Variants in FREM2 observed in about 807,000 individuals in gnomAD.
The protein encoded by FREM2 is FRAS1-related extracellular matrix protein 2.
In FREM2, 119 loss-of-function variants were observed where a neutral mutation model predicts 219.9. The observed-to-expected ratio is 0.54, with a 90% CI of 0.47 to 0.63. The LOEUF is 0.63. Ranked by LOEUF, FREM2 falls within the 30% of genes least tolerant of loss-of-function variation. FREM2 has a pLI of 0.00. For missense variants in FREM2, 4,030 were observed against 3,993.6 expected (o/e 1.01, Z -0.25); for synonymous variants, 1,562 against 1,522.8 (o/e 1.03, Z -0.60).
intron 1 of FREM2, among the ~76,000 whole-genome samples, chr13:38,694,024 A>G (rs1295978742): frequency 6.6e-6 from 1 of 152,220 alleles, no homozygotes; most frequent in Non-Finnish European, 1.5e-5. Context: ...TGGTTCTTCA[A>G]ATTACTCCTC....
At chr13:38,789,531 A>G (rs1874473289) in intron 6 of FREM2, among the ~76,000 whole-genome samples, 1 of 150,592 alleles carries the variant, frequency 6.6e-6, no homozygotes, top group Admixed American at 6.6e-5. Context: ...TTTTTTTTAA[A>G]AAAAGCTATG....
intron 2 of FREM2, among the ~76,000 whole-genome samples, chr13:38,760,503 A>C (rs1389125411): frequency 2.6e-5 from 4 of 152,260 alleles, no homozygotes; most frequent in Non-Finnish European, 5.9e-5. Flanking sequence ...TTAGTCATCA[A>C]TAATCCCTGG....
Position 38,848,605 on chromosome 13 carries a change from C to T in FREM2, c.6314C>T (p.Pro2105Leu). ...AAATTTGAACTGGTGCTTCGCATGC[C>T]TATGAACGCAGCCCTTGGCGAGCCC... The part of the protein sequence containing the change: ...IEKFELVLRM[P>L]MNAALGEPSK... The change falls in exon 8 of 24, where the codon CCT (proline) becomes CTT (leucine). Residue 2105 changes from proline to leucine, a missense_variant. Coordinates refer to ENST00000280481, the MANE Select transcript of FREM2 (RefSeq NM_207361.6). 6.2e-7 allele frequency: 1 copy of T among 1,614,032 alleles called. No individual in the cohort carries two copies. Among genetic ancestry groups the T allele is most frequent in the Middle Eastern group, 1.7e-4 (1 of 6,058 alleles).
At chr13:38,699,514 T>C (rs1870256350) in intron 2 of FREM2, among the ~76,000 whole-genome samples, 1 of 152,136 alleles carries the variant, frequency 6.6e-6, no homozygotes, top group African/African-American at 2.4e-5. Context: ...TGGCAAGGCC[T>C]CCAAAGATTG....
At chr13:38,832,799 C>A (rs1213382218) in intron 6 of FREM2, among the ~76,000 whole-genome samples, 1 of 152,072 alleles carries the variant, frequency 6.6e-6, no homozygotes, top group Non-Finnish European at 1.5e-5. Context: ...CATCTAAGCA[C>A]TTTGGGAAGC....
At position 38,690,411 on chromosome 13, in the gene FREM2, A is replaced by G; in HGVS notation, c.3067A>G (p.Ile1023Val). 1.2e-6 allele frequency: 2 copies of G among 1,614,168 alleles called. No homozygotes were observed. Among genetic ancestry groups the G allele is most frequent in the Non-Finnish European group, 1.7e-6 (2 of 1,179,988 alleles). Reference sequence around the variant, plus strand: ...TGTATATACCCACACCAGTGGTGAGATAGGCCTATTGCCTAAAGCGGATTC... The same window carrying G: ...TGTATATACCCACACCAGTGGTGAGGTAGGCCTATTGCCTAAAGCGGATTC... ...SVVYTHTSGE[I>V]GLLPKADSFN... The change falls in exon 1 of 24, where the codon ATA becomes GTA. Residue 1023 changes from isoleucine (I) to valine (V), a missense_variant. Physicochemically the swap from Ile to Val is conservative, Grantham distance 29. Around this residue, in one of 2 missense-constraint regions of FREM2, gnomAD observed 3,102 missense variants for 2,950.7 expected, o/e 1.05. Transcript: ENST00000280481.
rs141478658 is a variant in FREM2, at chr13:38,691,759, C to T, written c.4415C>T (p.Thr1472Met). ...RAPMRGHLEC[T>M]DQPGVSITSF... is the part of the protein sequence containing the mutation. Reference sequence around the variant, plus strand: ...CCCATGCGAGGTCACCTGGAATGCACGGATCAGCCTGGTGTGTCCATCACG... The same window carrying T: ...CCCATGCGAGGTCACCTGGAATGCATGGATCAGCCTGGTGTGTCCATCACG... The change falls in exon 1 of 24, where the codon ACG becomes ATG. Residue 1472 changes from threonine (T) to methionine (M), a missense_variant. Around this residue, in one of 2 missense-constraint regions of FREM2, gnomAD observed 3,102 missense variants for 2,950.7 expected, o/e 1.05. Coordinates refer to ENST00000280481, the MANE Select transcript of FREM2 (RefSeq NM_207361.6). 18 of 1,613,966 alleles carry T rather than the reference C, an allele frequency of 1.1e-5. No homozygotes were observed. In the East Asian group the frequency reaches 1.6e-4, roughly 14 times the overall value.
intron 7 of FREM2, 53 bp from the exon 8 acceptor site, chr13:38,848,408 T>C (rs1877240537): frequency 7.3e-6 from 9 of 1,225,594 alleles, no homozygotes; most frequent in Non-Finnish European, 1.1e-5. Context: ...TGTCTTATAA[T>C]TTTTTGAAAT....
chr13:38,866,906 T>C (rs1177563741), intron 16 of FREM2, among the ~76,000 whole-genome samples: 1 of 152,246 alleles, frequency 6.6e-6, no homozygotes, highest in Non-Finnish European at 1.5e-5. Flanking sequence ...GCAAGGCTGT[T>C]TTATTTTGAA....
chr13:38,777,558 G>A (rs977428260), intron 4 of FREM2, among the ~76,000 whole-genome samples: 5 of 152,148 alleles, frequency 3.3e-5, no homozygotes, highest in African/African-American at 1.2e-4. Context: ...GTTGTTGCAA[G>A]GATAAAACTA....
chr13:38,693,279 A>G (rs952028575), intron 1 of FREM2, among the ~76,000 whole-genome samples: 2 of 152,258 alleles, frequency 1.3e-5, no homozygotes, highest in Admixed American at 1.3e-4. Context: ...GAGCATGAAG[A>G]TAAGTAGACA....
chr13:38,877,764 T>C (rs1566176167), intron 21 of FREM2, among the ~76,000 whole-genome samples: 1 of 152,268 alleles, frequency 6.6e-6, no homozygotes, highest in African/African-American at 2.4e-5. Flanking sequence ...ACTTTCTTTC[T>C]TAGTGTTATT....
intron 6 of FREM2, among the ~76,000 whole-genome samples, chr13:38,814,797 T>A (rs566837799): frequency 2.0e-5 from 3 of 152,198 alleles, no homozygotes; most frequent in Non-Finnish European, 4.4e-5. Context: ...TGCTTGCTGC[T>A]CTTCTCTCCC....
chr13:38,809,873 A>G (rs1875407787), intron 6 of FREM2, among the ~76,000 whole-genome samples: 1 of 152,022 alleles, frequency 6.6e-6, no homozygotes, highest in South Asian at 2.1e-4. Context: ...GAAGAATGTT[A>G]TTGGTATTTT....
At chr13:38,805,123 G>A (rs1368606983) in intron 6 of FREM2, among the ~76,000 whole-genome samples, 1 of 152,000 alleles carries the variant, frequency 6.6e-6, no homozygotes, top group Non-Finnish European at 1.5e-5. Flanking sequence ...CTGGATAAAC[G>A]AGCTTGAAGC....
At chr13:38,769,509 T>G in intron 3 of FREM2, 69 bp from the exon 4 acceptor site, 1 of 1,393,786 alleles carries the variant, frequency 7.2e-7, no homozygotes, top group Non-Finnish European at 1.0e-6. Context: ...ATGCAAAAAG[T>G]TAACAAGGAA....
chr13:38,725,286 T>C (rs1263447923), intron 2 of FREM2, among the ~76,000 whole-genome samples: 4 of 152,214 alleles, frequency 2.6e-5, no homozygotes, highest in Non-Finnish European at 5.9e-5. Flanking sequence ...GCCTTCATAA[T>C]ACTTTACATA....
At position 38,878,284 on chromosome 13, in the gene FREM2, C is replaced by A; in HGVS notation, c.8822C>A (p.Ala2941Asp). 6.2e-7 allele frequency: 1 copy of A among 1,613,506 alleles called. No homozygotes were observed. Among genetic ancestry groups the A allele is most frequent in the Non-Finnish European group, 8.5e-7 (1 of 1,179,846 alleles). The change falls in exon 22 of 24, where the codon GCC becomes GAC. Residue 2941 changes from alanine to aspartate, a missense_variant. Physicochemically the swap from Ala to Asp is moderately radical, Grantham distance 126. Coordinates refer to ENST00000280481, the MANE Select transcript of FREM2 (RefSeq NM_207361.6). ...ATGAATGCAGAATATGGCTGCTTAG[C>A]CGACTCTCCTTCACTCTTATATAGA... Reference protein sequence around the residue: ...SPMNAEYGCLADSPSLLYRFK... With the variant: ...SPMNAEYGCLDDSPSLLYRFK...
intron 6 of FREM2, among the ~76,000 whole-genome samples, chr13:38,788,852 A>G (rs993658590): frequency 1.3e-5 from 2 of 152,092 alleles, no homozygotes; most frequent in African/African-American, 4.8e-5. Flanking sequence ...GTTTGAGAAG[A>G]GATTTTATCA....
Sources: gnomAD v4.1 joint callset for allele counts (sites outside exome capture counted in the v4.1 genomes callset) on GRCh38, gnomAD v4.1.1 for gene constraint, gnomAD v4.1.1 regional missense constraint, MANE v1.5 for transcripts, NCBI Gene and HGNC (gene_info 2026-07-23, HGNC 2026-07-21) for gene names.